Variants in NINL observed in about 807,000 individuals in gnomAD.
The protein encoded by NINL is ninein like.
In NINL, 153 loss-of-function variants were observed where a neutral mutation model predicts 160.3. That is an observed-to-expected ratio of 0.95 (90% CI 0.84 to 1.09). The LOEUF (loss-of-function observed/expected upper bound fraction) is 1.09, where lower values mean the gene tolerates loss of function less well. Ranked by LOEUF, NINL falls within the 50% of genes least tolerant of loss-of-function variation. NINL has a pLI of 0.00. For missense variants in NINL, 1,829 were observed against 1,764.0 expected (o/e 1.04, Z -0.66); for synonymous variants, 800 against 734.8 (o/e 1.09, Z -1.43).
chr20:25,476,542 C>T lies in NINL; in HGVS notation c.2749G>A (p.Asp917Asn). ...GGCTCTGGCTCCTTTGGGACAATAT[C>T]CCCATCCACTCCACAGGGCTGCATG... ...SRMQPCGVDG[D>N]IVPKEPEPFG... is the part of the protein sequence containing the mutation. Residue 917 changes from aspartate (D) to asparagine (N), a missense_variant, in exon 17 of 24, where the codon GAT becomes AAT. Physicochemically the swap from Asp to Asn is conservative, Grantham distance 23. Transcript: ENST00000278886. 6.2e-7 allele frequency: 1 copy of T among 1,600,338 alleles called. No individual in the cohort carries two copies. The highest frequency in any genetic ancestry group is 8.5e-7 in the Non-Finnish European group (1 of 1,179,832).
chr20:25,483,636 G>A (rs1285202949), intron 13 of NINL, among the ~76,000 whole-genome samples: 1 of 152,276 alleles, frequency 6.6e-6, no homozygotes, highest in Non-Finnish European at 1.5e-5. Context: ...CGGCGGGAAG[G>A]CTAGGACACC....
intron 1 of NINL, among the ~76,000 whole-genome samples, chr20:25,535,218 G>C (rs1400858497): frequency 1.3e-5 from 2 of 152,202 alleles, no homozygotes; most frequent in African/African-American, 4.8e-5. Context: ...AGAGCAGCTG[G>C]CCGCAGAGAA....
chr20:25,581,333 T>C (rs1014111499), intron 1 of NINL, among the ~76,000 whole-genome samples: 1 of 151,666 alleles, frequency 6.6e-6, no homozygotes, highest in Admixed American at 6.6e-5. Flanking sequence ...TCCCAGCTAC[T>C]CAGGAAGCTG....
chr20:25,494,889 G>A (rs1168162382), intron 10 of NINL, among the ~76,000 whole-genome samples: 1 of 152,200 alleles, frequency 6.6e-6, no homozygotes, highest in African/African-American at 2.4e-5. Flanking sequence ...GCTGACCAGT[G>A]GCCTTCGGCT....
chr20:25,513,227 G>C (rs918168343), intron 3 of NINL, among the ~76,000 whole-genome samples: 19 of 152,200 alleles, frequency 1.2e-4, no homozygotes, highest in African/African-American at 3.9e-4. Context: ...GGTGGGGAGA[G>C]GAGGACTTTC....
intron 1 of NINL, among the ~76,000 whole-genome samples, chr20:25,547,788 T>G (rs998562684): frequency 2.6e-5 from 4 of 152,136 alleles, no homozygotes; most frequent in African/African-American, 9.7e-5. Context: ...GGAACACAAC[T>G]TGGCCCACAG....
intron 8 of NINL, among the ~76,000 whole-genome samples, 153 bp downstream of exon 8, chr20:25,500,687 A>C (rs1329909617): frequency 6.6e-6 from 1 of 152,254 alleles, no homozygotes; most frequent in Non-Finnish European, 1.5e-5. Context: ...TAAAAGAGAT[A>C]GGTTTCTACC....
At chr20:25,490,846 C>G (rs1773282585) in intron 11 of NINL, among the ~76,000 whole-genome samples, 2 of 152,106 alleles carry the variant, frequency 1.3e-5, no homozygotes, top group South Asian at 4.1e-4. Context: ...CAGGCAGGAG[C>G]AGAGCAGGGA....
chr20:25,538,336 G>GCAGT (rs2147037730), intron 1 of NINL, among the ~76,000 whole-genome samples: 1 of 152,304 alleles, frequency 6.6e-6, no homozygotes, highest in South Asian at 2.1e-4. Flanking sequence ...TTGCTCCTGG[G>GCAGT]CAGTGGACCA....
chr20:25,476,676 G>C lies in NINL; in HGVS notation c.2615C>G (p.Ala872Gly). 6.3e-7 allele frequency: 1 copy of C among 1,589,078 alleles called. No individual in the cohort carries two copies. Among genetic ancestry groups the C allele is most frequent in the Non-Finnish European group, 8.5e-7 (1 of 1,173,308 alleles). ...CCTGCGGCGAGGCCCGGCTCCTGCC[G>C]CCTCCTCAGACTCTCTGCCATCACC... is the stretch of plus-strand genomic sequence containing the variant. ...APGDGRESEE[A>G]AGAGPRRRQA... The change falls in exon 17 of 24, where the codon GCG becomes GGG. Residue 872 changes from alanine (A) to glycine (G), a missense_variant. Coordinates refer to ENST00000278886, the MANE Select transcript of NINL (RefSeq NM_025176.6).
At chr20:25,472,324 G>GATAGATATATAT (rs1555845880) in intron 17 of NINL, among the ~76,000 whole-genome samples, 3 of 83,982 alleles carry the variant, frequency 3.6e-5, no homozygotes, top group Non-Finnish European at 7.1e-5. Flanking sequence ...GGGAGGAGAG[G>GATAGATATATAT]ATATATATAT....
intron 1 of NINL, among the ~76,000 whole-genome samples, chr20:25,540,418 G>A (rs1568954581): frequency 6.6e-6 from 1 of 152,178 alleles, no homozygotes; most frequent in Admixed American, 6.5e-5. Flanking sequence ...TCTGGAGGCC[G>A]GAGGAGAAGG....
At position 25,489,852 on chromosome 20, in the gene NINL, A is replaced by G. The variant is rs201514523; in HGVS notation, c.1596+23T>C. ...CCAGCAGGCCCTCCCCTCTGGAGGCAGACTGTCAGCAAAGGGACTCGCCTT... is the reference window on the plus strand; with the variant it reads ...CCAGCAGGCCCTCCCCTCTGGAGGCGGACTGTCAGCAAAGGGACTCGCCTT... On this transcript the variant is annotated intron_variant, in intron 12 of 23. Transcript: ENST00000278886. 1.6e-4 allele frequency: 250 copies of G among 1,595,258 alleles called. No homozygotes were observed. The African/African-American group carries it at 3.0e-3, about 19-fold the overall frequency.
chr20:25,553,103 G>GTTTTTTT lies in NINL; in HGVS notation c.-11-26506_-11-26505insAAAAAAA, dbSNP rs760131174. ...TGGAAGTTACTTCTCACCCTTGTTG[G>GTTTTTTT]GTTTTTTTTTTTTTTTTTGGAGATG... is the stretch of plus-strand genomic sequence containing the variant. On this transcript the variant is annotated intron_variant, in intron 1 of 23. Coordinates refer to ENST00000278886, the MANE Select transcript of NINL (RefSeq NM_025176.6). Among the ~76,000 whole-genome samples the GTTTTTTT allele has an allele frequency of 6.1e-3, 353 of 57,924 alleles. 6 individuals are homozygous for GTTTTTTT. The highest frequency in any genetic ancestry group is 0.015 in the South Asian group (32 of 2,144). 38.0% of individuals were successfully genotyped at this position (57,924 alleles called of 152,430 possible).
chr20:25,536,021 T>C (rs1381607072), intron 1 of NINL, among the ~76,000 whole-genome samples: 1 of 152,100 alleles, frequency 6.6e-6, no homozygotes, highest in Non-Finnish European at 1.5e-5. Context: ...GCCCTACAGA[T>C]GTCCAGAGAG....
In NINL at chr20:25,491,484, C is replaced by A. The variant is rs765812351; in HGVS notation, c.1352G>T (p.Arg451Leu). Reference sequence around the variant, plus strand: ...CTCTCGCTCCGCCTCCACCTCAGACCGCAGGAGGCTCAGCCTTTCCCGGTA... The same window carrying A: ...CTCTCGCTCCGCCTCCACCTCAGACAGCAGGAGGCTCAGCCTTTCCCGGTA... ...QGYRERLSLL[R>L]SEVEAERELF... The change falls in exon 11 of 24, where the codon CGG (arginine) becomes CTG (leucine). Residue 451 changes from arginine to leucine, a missense_variant. Physicochemically the swap from Arg to Leu is moderately radical, Grantham distance 102. Coordinates refer to ENST00000278886, the MANE Select transcript of NINL (RefSeq NM_025176.6). 6 of 1,613,948 alleles carry A rather than the reference C, an allele frequency of 3.7e-6. No homozygotes were observed. In the Admixed American group the frequency reaches 6.7e-5, roughly 18 times the overall value.
At chr20:25,502,245 G>T (rs2063883987) in intron 7 of NINL, among the ~76,000 whole-genome samples, 2 of 152,156 alleles carry the variant, frequency 1.3e-5, no homozygotes, top group Admixed American at 1.3e-4. Flanking sequence ...GCCTCCCAAA[G>T]TGCTGGTATT....
intron 11 of NINL, 131 bp from the exon 12 acceptor site, chr20:25,490,116 C>A: frequency 6.1e-6 from 5 of 816,860 alleles, no homozygotes; most frequent in Non-Finnish European, 1.0e-5. Flanking sequence ...GCAGGCGAGG[C>A]ACCTGGTGCT....
intron 1 of NINL, among the ~76,000 whole-genome samples, chr20:25,535,759 C>T (rs2064545439): frequency 1.3e-5 from 2 of 152,180 alleles, no homozygotes; most frequent in African/African-American, 4.8e-5. Flanking sequence ...CTGCCCAACT[C>T]TGTTCTCCTA....
Sources: gnomAD v4.1 joint callset for allele counts (sites outside exome capture counted in the v4.1 genomes callset) on GRCh38, gnomAD v4.1.1 for gene constraint, MANE v1.5 for transcripts, NCBI Gene and HGNC (gene_info 2026-07-23, HGNC 2026-07-21) for gene names.